Variants in XPO6 observed in about 807,000 individuals in gnomAD.
XPO6 encodes the protein exportin-6.
XPO6 carries 3 observed loss-of-function variants against 130.0 expected under a neutral mutation model. The observed-to-expected ratio is 0.02, with a 90% CI of 0.01 to 0.06. The LOEUF (loss-of-function observed/expected upper bound fraction) is 0.06, where lower values mean the gene tolerates loss of function less well. Among genes scored for constraint, XPO6 ranks in the 10% least tolerant of loss-of-function variants. The pLI is 1.00. For missense variants in XPO6, 970 were observed against 1,393.0 expected, an observed-to-expected ratio of 0.70 and a Z score of 4.83; for synonymous variants, 524 against 548.9, an observed-to-expected ratio of 0.95 and a Z score of 0.63.
chr16:28,135,391 T>C, intron 9 of XPO6, 67 bp from the exon 10 acceptor site: 1 of 1,281,236 alleles, frequency 7.8e-7, no homozygotes, highest in Non-Finnish European at 1.1e-6. Context: ...AAATGCCTCC[T>C]GCACTATAAA....
In XPO6 at chr16:28,106,352, T is replaced by G. The variant is rs750992565; in HGVS notation, c.2612+31A>C. On this transcript the variant is annotated intron_variant, in intron 19 of 23. Transcript: ENST00000304658. This position sits in a 1 kb window ranked among gnomAD's most constrained non-coding sequence, Gnocchi z 4.2. ...AGACCCACCACTTCTCCCTTGAATC[T>G]GAAAACTATAGATGGTGGGTCTGTG... is the stretch of plus-strand genomic sequence containing the variant. 6.2e-7 allele frequency: 1 copy of G among 1,611,930 alleles called. No individual in the cohort carries two copies. The highest frequency in any genetic ancestry group is 8.5e-7 in the Non-Finnish European group (1 of 1,178,000).
At chr16:28,110,969 G>A (rs1341902746) in intron 17 of XPO6, among the ~76,000 whole-genome samples, 2 of 152,148 alleles carry the variant, frequency 1.3e-5, no homozygotes, top group East Asian at 3.8e-4. Context: ...AATAGAAAAG[G>A]GAAGGTAAGA....
At chr16:28,208,829 C>G (rs181577619) in intron 1 of XPO6, among the ~76,000 whole-genome samples, 41 of 152,292 alleles carry the variant, frequency 2.7e-4, no homozygotes, top group Admixed American at 1.6e-3. Context: ...TCTGTACATG[C>G]CCTAGGCCCT....
At position 28,166,764 on chromosome 16, in the gene XPO6, C is replaced by A; in HGVS notation, c.566-179G>T. 2 of 985,452 alleles carry A rather than the reference C, an allele frequency of 2.0e-6. 1 individual carries two copies. The highest frequency in any genetic ancestry group is 2.4e-6 in the Non-Finnish European group (2 of 829,924). 61.0% of individuals were successfully genotyped at this position (985,452 alleles called of 1,614,324 possible). A position where few individuals can be genotyped will look rare whatever the true frequency, so the allele number is the denominator to read the frequency against. Reference sequence around the variant, plus strand: ...TCGACTTCACAGCTATCTTCTGGCTCTCCACTGCTTCACTGTGGCCTTGTG... The same window carrying A: ...TCGACTTCACAGCTATCTTCTGGCTATCCACTGCTTCACTGTGGCCTTGTG... On this transcript the variant is annotated intron_variant, in intron 5 of 23. Transcript: ENST00000304658.
rs541803034 is a variant in XPO6 at position 28,114,240 on chromosome 16, G to A, written c.2005-1190C>T. ...AAACCACTGGACATTTTGACAATCT[G>A]AAGTTGCTGTACATATGTAAAGGAA... On this transcript the variant is annotated intron_variant, in intron 15 of 23. Coordinates refer to ENST00000304658, the MANE Select transcript of XPO6 (RefSeq NM_015171.4). Among the ~76,000 whole-genome samples the A allele has an allele frequency of 1.3e-4, 19 of 147,746 alleles. No homozygotes were observed. The South Asian group carries it at 3.8e-3, about 30-fold the overall frequency.
intron 2 of XPO6, among the ~76,000 whole-genome samples, chr16:28,180,334 A>G (rs757547421): frequency 5.9e-5 from 9 of 152,214 alleles, no homozygotes; most frequent in Non-Finnish European, 1.3e-4. Context: ...CATGAACTCC[A>G]GCCTGGGCAA....
At chr16:28,126,298 T>C (rs996317570) in intron 12 of XPO6, among the ~76,000 whole-genome samples, 2 of 152,146 alleles carry the variant, frequency 1.3e-5, no homozygotes, top group African/African-American at 2.4e-5. Flanking sequence ...TAGGGCCCTA[T>C]CTCAGAATGA....
chr16:28,108,068 A>C (rs1257433063), intron 17 of XPO6, among the ~76,000 whole-genome samples: 1 of 152,156 alleles, frequency 6.6e-6, no homozygotes, highest in African/African-American at 2.4e-5. Flanking sequence ...GACTGGTGAG[A>C]AAATGAGTGT....
At chr16:28,166,648 TAGAG>T (rs1158418968) in intron 5 of XPO6, 63 bp from the exon 6 acceptor site, 3 of 1,547,840 alleles carry the variant, frequency 1.9e-6, no homozygotes, top group Admixed American at 2.0e-5. Context: ...AAATCATATT[TAGAG>T]AAAGTTTCTT....
rs930870630 is a variant in XPO6 at position 28,101,090 on chromosome 16, A to T, written c.3276+368T>A. ...CCCAAGCACCAACCATCTCAGCCTGAATGCAAGCCTGGGCACACTCCAATG... is the reference window on the plus strand; with the variant it reads ...CCCAAGCACCAACCATCTCAGCCTGTATGCAAGCCTGGGCACACTCCAATG... On this transcript the variant is annotated intron_variant, in intron 23 of 23. Coordinates refer to ENST00000304658, the MANE Select transcript of XPO6 (RefSeq NM_015171.4). The surrounding 1 kb of genome is among the most constrained non-coding windows in gnomAD (Gnocchi z 5.4). 4 of 344,048 alleles carry T rather than the reference A, an allele frequency of 1.2e-5. No individual in the cohort carries two copies. The highest frequency in any genetic ancestry group is 8.5e-5 in the African/African-American group (4 of 47,008). The allele number at this position is 344,048 out of a possible 1,614,324, so 21.3% of individuals were successfully genotyped here.
chr16:28,146,398 T>C lies in XPO6; in HGVS notation c.1225-195A>G. ...CCTCCTGAACCTTACAAGACAAGGG[T>C]ACCATGGAACACATCATGAGGGAGA... On this transcript the variant is annotated intron_variant, in intron 8 of 23. Coordinates refer to ENST00000304658, the MANE Select transcript of XPO6 (RefSeq NM_015171.4). The C allele has an allele frequency of 3.7e-6, 2 of 543,988 alleles. 1 individual carries two copies. The highest frequency in any genetic ancestry group is 5.0e-5 in the South Asian group (2 of 40,120). 33.7% of individuals were successfully genotyped at this position (543,988 alleles called of 1,614,324 possible).
chr16:28,211,523 A>G lies in XPO6; in HGVS notation c.-155T>C. On this transcript the variant is annotated 5_prime_UTR_variant, in exon 1 of 24. Transcript: ENST00000304658. ...CACCGGGCCCCGAGGGGACCCTCTA[A>G]AAAGGGCAGGGCCGCCCGGGTCGCC... 1.2e-5 allele frequency: 11 copies of G among 882,802 alleles called. No homozygotes were observed. Among genetic ancestry groups the G allele is most frequent in the Non-Finnish European group, 1.7e-5 (11 of 654,786 alleles). The allele number at this position is 882,802 out of a possible 1,614,324, so 54.7% of individuals were successfully genotyped here.
intron 13 of XPO6, among the ~76,000 whole-genome samples, chr16:28,124,641 C>T (rs186885174): frequency 3.3e-5 from 5 of 152,284 alleles, no homozygotes; most frequent in African/African-American, 9.6e-5. Context: ...TGTACTTACT[C>T]AACAATAAAA....
At chr16:28,133,395 T>C (rs2042713171) in intron 11 of XPO6, among the ~76,000 whole-genome samples, 2 of 151,552 alleles carry the variant, frequency 1.3e-5, no homozygotes, top group South Asian at 4.2e-4. Flanking sequence ...ATGAATTTAA[T>C]GAAATCTCTT....
Position 28,211,370 on chromosome 16 carries a change from C to A in XPO6, c.-2G>T, listed in dbSNP as rs1410551762. Reference sequence around the variant, plus strand: ...GGGGGCTCCAATTCCACTTACCATGCTGGCCGGGGAGGGGGCGGCTCAGAT... The same window carrying A: ...GGGGGCTCCAATTCCACTTACCATGATGGCCGGGGAGGGGGCGGCTCAGAT... On this transcript the variant is annotated 5_prime_UTR_variant, in exon 1 of 24. Coordinates refer to ENST00000304658, the MANE Select transcript of XPO6 (RefSeq NM_015171.4). 2 of 1,312,454 alleles carry A rather than the reference C, an allele frequency of 1.5e-6. No individual in the cohort carries two copies. The highest frequency in any genetic ancestry group is 6.1e-5 in the Admixed American group (2 of 32,726). The allele number at this position is 1,312,454 out of a possible 1,614,324, so 81.3% of individuals were successfully genotyped here. A position where few individuals can be genotyped will look rare whatever the true frequency, so the allele number is the denominator to read the frequency against.
At chr16:28,186,389 T>TTTTTTTTTTTTTTTTTTTTTTTTTA (rs1375521158) in intron 1 of XPO6, among the ~76,000 whole-genome samples, 1 of 145,528 alleles carries the variant, frequency 6.9e-6, no homozygotes, top group African/African-American at 2.6e-5. Context: ...TTTTTTTTTT[T>TTTTTTTTTTTTTTTTTTTTTTTTTA]TTGCTAAAGA....
At chr16:28,125,994 T>G in intron 12 of XPO6, 146 bp from the exon 13 acceptor site, 3 of 949,518 alleles carry the variant, frequency 3.2e-6, no homozygotes, top group Non-Finnish European at 4.7e-6. Context: ...TGCTTCCCAG[T>G]ACTGAGCAGG....
intron 1 of XPO6, among the ~76,000 whole-genome samples, chr16:28,187,158 C>A (rs567623496): frequency 6.6e-6 from 1 of 152,272 alleles, no homozygotes. Flanking sequence ...GGAAAGCATG[C>A]CTGATTCAAT....
rs762352453 is a variant in XPO6, at chr16:28,104,541, G to A, written c.2946+5C>T. The A allele has an allele frequency of 8.7e-6, 14 of 1,613,922 alleles. No homozygotes were observed. The highest frequency in any genetic ancestry group is 1.6e-4 in the Middle Eastern group (1 of 6,064). On this transcript the variant is annotated splice_donor_5th_base_variant and intron_variant, in intron 21 of 23. Coordinates refer to ENST00000304658, the MANE Select transcript of XPO6 (RefSeq NM_015171.4). ...CACCTGGCAGCAACCCCGCCCCCAC[G>A]TTACCTGCATGATGGCACTGAACTG...
Sources: gnomAD v4.1 joint callset for allele counts (sites outside exome capture counted in the v4.1 genomes callset) on GRCh38, gnomAD v4.1.1 for gene constraint, Gnocchi (gnomAD v3.1) non-coding constraint, MANE v1.5 for transcripts, NCBI Gene and HGNC (gene_info 2026-07-23, HGNC 2026-07-21) for gene names.